Variants in GSK3B observed in about 807,000 individuals in gnomAD.
GSK3B encodes glycogen synthase kinase 3 beta, also known as glycogen synthase kinase-3 beta.
Under a neutral mutation model 56.4 loss-of-function variants are expected in GSK3B, and 15 were observed. The ratio of observed to expected loss-of-function variants is 0.27; its 90% CI spans 0.18 to 0.41. GSK3B has a LOEUF of 0.41. Ranked by LOEUF, GSK3B falls within the 10% of genes least tolerant of loss-of-function variation. The pLI, the probability that GSK3B is intolerant of heterozygous loss-of-function variation, is 1.00. For synonymous variants in GSK3B, 181 were observed against 188.9 expected, an observed-to-expected ratio of 0.96 and a Z score of 0.34; for missense variants, 300 against 513.4, an observed-to-expected ratio of 0.58 and a Z score of 4.02.
chr3:119,973,195 C>T (rs2057383299), intron 2 of GSK3B, among the ~76,000 whole-genome samples: 1 of 152,306 alleles, frequency 6.6e-6, no homozygotes, highest in South Asian at 2.1e-4. Flanking sequence ...TCTCCTTACC[C>T]GCACTTTCGC....
rs1340957441 is a variant in GSK3B, at chr3:119,823,904, T to TA, written c.*2883dup. On this transcript the variant is annotated 3_prime_UTR_variant, in exon 11 of 11. Transcript: ENST00000264235. The stretch of plus-strand genomic sequence containing the variant: ...TGGATAAAGGAAACCAATTAAAATT[T>TA]AAAAAAGAACAAATTAAAAAAAAAA... 1 of 196,858 alleles carries TA rather than the reference T, an allele frequency of 5.1e-6. No homozygotes were observed. Among genetic ancestry groups the TA allele is most frequent in the Non-Finnish European group, 1.0e-5 (1 of 95,240 alleles). The allele number at this position is 196,858 out of a possible 1,614,324, so 12.2% of individuals were successfully genotyped here.
At chr3:119,869,238 A>AAAAAAC (rs1559816062) in intron 8 of GSK3B, among the ~76,000 whole-genome samples, 1 of 150,118 alleles carries the variant, frequency 6.7e-6, no homozygotes, top group Non-Finnish European at 1.5e-5. Context: ...AAAAAAAAAA[A>AAAAAAC]AAAAAAAACA....
At chr3:120,019,731 CA>C (rs2057856888) in intron 1 of GSK3B, among the ~76,000 whole-genome samples, 1 of 152,204 alleles carries the variant, frequency 6.6e-6, no homozygotes, top group South Asian at 2.1e-4. Flanking sequence ...AAAGGCCTGC[CA>C]GACTCCCGCA....
intron 3 of GSK3B, among the ~76,000 whole-genome samples, chr3:119,945,550 C>T (rs941315938): frequency 1.3e-5 from 2 of 152,272 alleles, no homozygotes; most frequent in South Asian, 2.1e-4. Context: ...AGGGCAAGAG[C>T]TGACTATGAC....
At chr3:119,938,924 G>T (rs192526502) in intron 3 of GSK3B, among the ~76,000 whole-genome samples, 41 of 151,312 alleles carry the variant, frequency 2.7e-4, no homozygotes, top group African/African-American at 9.9e-4. Context: ...AAGCATTAAA[G>T]AAACAAAATT....
intron 3 of GSK3B, among the ~76,000 whole-genome samples, chr3:119,934,376 T>TA (rs2056974463): frequency 6.6e-6 from 1 of 152,120 alleles, no homozygotes; most frequent in African/African-American, 2.4e-5. Context: ...GTTTTATCAT[T>TA]AAAAAAGCAG....
chr3:119,878,814 G>C (rs1173494455), intron 7 of GSK3B, among the ~76,000 whole-genome samples: 1 of 152,150 alleles, frequency 6.6e-6, no homozygotes, highest in African/African-American at 2.4e-5. Context: ...TAAGCTGAGT[G>C]AGAGAAGCCA....
chr3:120,079,539 C>T (rs538885987), intron 1 of GSK3B, among the ~76,000 whole-genome samples: 21 of 152,122 alleles, frequency 1.4e-4, no homozygotes, highest in African/African-American at 4.3e-4. Context: ...GAATTACAGG[C>T]ACCTGCCACC....
At chr3:120,067,386 ACACCTAACCTAC>A (rs1175359541) in intron 1 of GSK3B, among the ~76,000 whole-genome samples, 1 of 152,194 alleles carries the variant, frequency 6.6e-6, no homozygotes, top group Non-Finnish European at 1.5e-5. Context: ...TGCACTTAAT[ACACCTAACCTAC>A]CAAACATCAC....
intron 1 of GSK3B, among the ~76,000 whole-genome samples, chr3:120,031,580 T>C (rs922445859): frequency 4.6e-5 from 7 of 151,940 alleles, no homozygotes; most frequent in African/African-American, 1.7e-4. Flanking sequence ...GGACAGAGGG[T>C]GAAGTAGGAG....
chr3:119,894,842 G>A (rs1338263269), intron 7 of GSK3B, among the ~76,000 whole-genome samples: 1 of 152,068 alleles, frequency 6.6e-6, no homozygotes, highest in African/African-American at 2.4e-5. Flanking sequence ...ATTTATATCT[G>A]TTTCCTTCTA....
intron 6 of GSK3B, among the ~76,000 whole-genome samples, chr3:119,909,179 C>T (rs1023967980): frequency 2.6e-5 from 4 of 151,894 alleles, no homozygotes; most frequent in Non-Finnish European, 5.9e-5. Context: ...TCACCACGCC[C>T]GGCTAATTTT....
intron 1 of GSK3B, among the ~76,000 whole-genome samples, chr3:120,050,501 A>G (rs1314999589): frequency 2.0e-5 from 3 of 152,224 alleles, no homozygotes; most frequent in Non-Finnish European, 4.4e-5. Flanking sequence ...GAAGAGGAAT[A>G]GGTTCCAAAG....
rs1577293373 is a variant in GSK3B at position 119,823,192 on chromosome 3, G to A, written c.*3596C>T. 4.4e-6 allele frequency: 1 copy of A among 228,254 alleles called. No homozygotes were observed. Among genetic ancestry groups the A allele is most frequent in the Non-Finnish European group, 8.7e-6 (1 of 114,946 alleles). The allele number at this position is 228,254 out of a possible 1,614,324, so 14.1% of individuals were successfully genotyped here. ...AGACATTTTATATGGACTACTTTGA[G>A]GCAAAACATTCTATTTTTCTTTCAA... On this transcript the variant is annotated 3_prime_UTR_variant, in exon 11 of 11. Coordinates refer to ENST00000264235, the MANE Select transcript of GSK3B (RefSeq NM_001146156.2).
chr3:119,834,841 G>T (rs1481646425), intron 10 of GSK3B, among the ~76,000 whole-genome samples: 1 of 152,146 alleles, frequency 6.6e-6, no homozygotes, highest in Non-Finnish European at 1.5e-5. Flanking sequence ...TGACTTGATA[G>T]GAGAGAACAT....
Position 119,927,771 on chromosome 3 carries a change from G to A in GSK3B, c.367-4288C>T, listed in dbSNP as rs2056902077. Among the ~76,000 whole-genome samples, 3 of 152,268 alleles carry A rather than the reference G, an allele frequency of 2.0e-5. No individual in the cohort carries two copies. In the South Asian group the frequency reaches 6.2e-4, roughly 32 times the overall value. On this transcript the variant is annotated intron_variant, in intron 3 of 10. Coordinates refer to ENST00000264235, the MANE Select transcript of GSK3B (RefSeq NM_001146156.2). ...CCTAAGAAGACCACCCAGAGTTGGA[G>A]AGTAAGGAAAGGACTGAGTATGGAA...
rs530191019 is a variant in GSK3B at position 119,823,472 on chromosome 3, A to C, written c.*3316T>G. On this transcript the variant is annotated 3_prime_UTR_variant, in exon 11 of 11. Coordinates refer to ENST00000264235, the MANE Select transcript of GSK3B (RefSeq NM_001146156.2). ...TTAAGAAACTTCGATTTATAAAAAA[A>C]CAATTCTCTGTCACTCTCTCATTTG... The C allele has an allele frequency of 3.0e-4, 59 of 194,328 alleles. No homozygotes were observed. The highest frequency in any genetic ancestry group is 1.3e-3 in the African/African-American group (58 of 43,328). 12.0% of individuals were successfully genotyped at this position (194,328 alleles called of 1,614,324 possible).
intron 1 of GSK3B, among the ~76,000 whole-genome samples, chr3:120,082,176 T>A (rs992635178): frequency 6.6e-6 from 1 of 152,008 alleles, no homozygotes; most frequent in Admixed American, 6.6e-5. Flanking sequence ...CTCTTTTAAA[T>A]CTCAAAATAA....
chr3:119,948,887 A>G (rs1246131179), intron 2 of GSK3B, among the ~76,000 whole-genome samples: 1 of 152,086 alleles, frequency 6.6e-6, no homozygotes, highest in Non-Finnish European at 1.5e-5. Context: ...TTTTTAGTAG[A>G]GACAGGGTTT....
Sources: gnomAD v4.1 joint callset for allele counts (sites outside exome capture counted in the v4.1 genomes callset) on GRCh38, gnomAD v4.1.1 for gene constraint, MANE v1.5 for transcripts, NCBI Gene and HGNC (gene_info 2026-07-23, HGNC 2026-07-21) for gene names.